USP44: variants seen among roughly 807,000 people sequenced by gnomAD.
USP44 encodes the protein ubiquitin carboxyl-terminal hydrolase 44.
Under a neutral mutation model 69.0 loss-of-function variants are expected in USP44, and 61 were observed. The ratio of observed to expected loss-of-function variants is 0.88; its 90% CI spans 0.72 to 1.09. The LOEUF is 1.09. USP44 is among the 50% of genes least tolerant of loss of function. The probability of loss-of-function intolerance (pLI) is 0.00; values close to 1 mark genes in which losing one functional copy is unlikely to be tolerated. For missense variants in USP44, 753 were observed against 849.9 expected (o/e 0.89, Z 1.42); for synonymous variants, 297 against 295.4 (o/e 1.01, Z -0.06).
chr12:95,524,469 C>CCTAGGTGA, intron 4 of USP44: 1 of 367,398 alleles, frequency 2.7e-6, no homozygotes, highest in Non-Finnish European at 4.9e-6. Flanking sequence ...CTATCGCCAG[C>CCTAGGTGA]CTAGGTGACA....
intron 1 of USP44, among the ~76,000 whole-genome samples, chr12:95,543,543 G>A (rs2077464936): frequency 6.6e-6 from 1 of 151,774 alleles, no homozygotes; most frequent in Non-Finnish European, 1.5e-5. Flanking sequence ...AATATTGTGA[G>A]ATCTCATCTC....
Position 95,533,931 on chromosome 12 carries a change from T to C in USP44, c.326A>G (p.Asn109Ser). 6.2e-7 allele frequency: 1 copy of C among 1,614,218 alleles called. No individual in the cohort carries two copies. The highest frequency in any genetic ancestry group is 8.5e-7 in the Non-Finnish European group (1 of 1,180,040). ...CCCACTACGAGTTGTGCAGTGATAA[T>C]TTTGACTTTTGATGGCACTTAATGT... ...RRTLSAIKSQNYHCTTRSGRF... is the reference protein window; with the variant it reads ...RRTLSAIKSQSYHCTTRSGRF... Residue 109 changes from asparagine to serine, a missense_variant, in exon 2 of 6, where the codon AAT becomes AGT. Asn to Ser is a conservative substitution (Grantham distance 46). Coordinates refer to ENST00000258499, the MANE Select transcript of USP44 (RefSeq NM_032147.5).
At chr12:95,538,526 G>A (rs916230858) in intron 1 of USP44, among the ~76,000 whole-genome samples, 2 of 118,738 alleles carry the variant, frequency 1.7e-5, no homozygotes, top group African/African-American at 3.9e-5. Flanking sequence ...CTCTCCCAGG[G>A]GAATTTGCAT....
chr12:95,549,942 G>C (rs1018023022), intron 1 of USP44, among the ~76,000 whole-genome samples: 3 of 152,144 alleles, frequency 2.0e-5, no homozygotes, highest in Admixed American at 6.5e-5. Context: ...ACTTTGGGAG[G>C]CCAAGGCGGG....
chr12:95,523,797 T>C (rs1007581170), intron 4 of USP44, among the ~76,000 whole-genome samples: 1 of 151,754 alleles, frequency 6.6e-6, no homozygotes, highest in South Asian at 2.1e-4. Context: ...GGAACAAGAT[T>C]GACAGGCACA....
chr12:95,551,502 G>T (rs140755136), upstream of USP44: 3,619 of 152,664 alleles, frequency 0.024, 74 homozygotes, highest in South Asian at 0.093. Context: ...CAAACCGGGC[G>T]TGCAGATCCC....
At chr12:95,532,246 C>A (rs1394460407) in intron 2 of USP44, among the ~76,000 whole-genome samples, 1 of 145,980 alleles carries the variant, frequency 6.9e-6, no homozygotes, top group African/African-American at 2.6e-5. Flanking sequence ...CAGCTCATTG[C>A]AACCTCCACC....
At chr12:95,547,534 T>C (rs1281534468) in intron 1 of USP44, among the ~76,000 whole-genome samples, 1 of 152,254 alleles carries the variant, frequency 6.6e-6, no homozygotes, top group Admixed American at 6.5e-5. Flanking sequence ...TCTCTAAGCA[T>C]GTGCTTAACT....
At chr12:95,536,905 C>T (rs12823525) in intron 1 of USP44, among the ~76,000 whole-genome samples, 11 of 152,108 alleles carry the variant, frequency 7.2e-5, no homozygotes, top group Non-Finnish European at 1.2e-4. Flanking sequence ...TAAGGCCACT[C>T]GCTGGTACCT....
intron 2 of USP44, among the ~76,000 whole-genome samples, chr12:95,530,493 A>G (rs769885152): frequency 6.6e-6 from 1 of 152,106 alleles, no homozygotes; most frequent in Non-Finnish European, 1.5e-5. Flanking sequence ...AAGCCATTAC[A>G]GCAACCAACT....
rs762518616 is a variant in USP44 at position 95,534,014 on chromosome 12, A to C, written c.243T>G (p.Leu81=). 5.0e-6 allele frequency: 8 copies of C among 1,614,210 alleles called. No individual in the cohort carries two copies. Among genetic ancestry groups the C allele is most frequent in the Non-Finnish European group, 6.8e-6 (8 of 1,180,042 alleles). The change falls in exon 2 of 6, where the codon CTT becomes CTG. Residue 81 remains leucine (L), a synonymous_variant. Coordinates refer to ENST00000258499, the MANE Select transcript of USP44 (RefSeq NM_032147.5). ...TATCATTCAGAACATAATCATCACAAAGGTAACAAAAAACGTACATCTCAT... is the reference window on the plus strand; with the variant it reads ...TATCATTCAGAACATAATCATCACACAGGTAACAAAAAACGTACATCTCAT... ...EVNEMYVFCY[L]CDDYVLNDNT... is the part of the protein sequence containing the mutation.
chr12:95,540,699 A>C (rs546513472), intron 1 of USP44, among the ~76,000 whole-genome samples: 88 of 152,056 alleles, frequency 5.8e-4, no homozygotes, highest in African/African-American at 2.1e-3. Context: ...CTAAGTCTCT[A>C]TTACTTTTCA....
intron 1 of USP44, among the ~76,000 whole-genome samples, chr12:95,540,950 T>C (rs114498848): frequency 0.015 from 2,225 of 152,170 alleles, 51 homozygotes; most frequent in African/African-American, 0.05. Flanking sequence ...GAAAAAAAAT[T>C]CCCCCTGATC....
chr12:95,534,014 A>G lies in USP44; in HGVS notation c.243T>C (p.Leu81=), dbSNP rs762518616. 1 of 1,614,210 alleles carries G rather than the reference A, an allele frequency of 6.2e-7. No homozygotes were observed. Among genetic ancestry groups the G allele is most frequent in the South Asian group, 1.1e-5 (1 of 91,084 alleles). The change falls in exon 2 of 6, where the codon CTT becomes CTC. Residue 81 remains leucine, a synonymous_variant. Coordinates refer to ENST00000258499, the MANE Select transcript of USP44 (RefSeq NM_032147.5). ...TATCATTCAGAACATAATCATCACA[A>G]AGGTAACAAAAAACGTACATCTCAT... ...EVNEMYVFCY[L]CDDYVLNDNT...
At chr12:95,549,115 A>C (rs1226412402) in intron 1 of USP44, among the ~76,000 whole-genome samples, 1 of 152,228 alleles carries the variant, frequency 6.6e-6, no homozygotes, top group African/African-American at 2.4e-5. Flanking sequence ...TGAGCCGCAG[A>C]ATCATCCACG....
chr12:95,528,384 G>A (rs2076918401), intron 3 of USP44, among the ~76,000 whole-genome samples: 1 of 152,144 alleles, frequency 6.6e-6, no homozygotes, highest in Admixed American at 6.5e-5. Context: ...CAGCAGTCCT[G>A]CATATATTAT....
intron 3 of USP44, among the ~76,000 whole-genome samples, chr12:95,528,302 G>A (rs972777876): frequency 6.6e-6 from 1 of 152,178 alleles, no homozygotes; most frequent in Non-Finnish European, 1.5e-5. Context: ...TAGACACTGG[G>A]AATAACTAAC....
chr12:95,544,544 A>G (rs944817924), intron 1 of USP44, among the ~76,000 whole-genome samples: 2 of 152,154 alleles, frequency 1.3e-5, no homozygotes, highest in Admixed American at 6.5e-5. Context: ...TAATTGGCGT[A>G]ATCAGTAGCT....
chr12:95,542,781 A>G (rs1426865218), intron 1 of USP44, among the ~76,000 whole-genome samples: 2 of 148,856 alleles, frequency 1.3e-5, no homozygotes, highest in Middle Eastern at 3.4e-3. Context: ...AAAAAAAACA[A>G]CCAGAGGTTG....
Sources: gnomAD v4.1 joint callset for allele counts (sites outside exome capture counted in the v4.1 genomes callset) on GRCh38, gnomAD v4.1.1 for gene constraint, MANE v1.5 for transcripts, NCBI Gene and HGNC (gene_info 2026-07-23, HGNC 2026-07-21) for gene names.